PKD1: variants seen among roughly 807,000 people sequenced by gnomAD.
PKD1 encodes polycystin-1.
PKD1 carries 81 observed loss-of-function variants against 361.7 expected under a neutral mutation model. The observed-to-expected ratio is 0.22, with a 90% CI of 0.19 to 0.27. The LOEUF (loss-of-function observed/expected upper bound fraction) is 0.27. PKD1 is among the 10% of genes least tolerant of loss of function. The pLI is 1.00. For synonymous variants in PKD1, 3,615 were observed against 2,818.3 expected (o/e 1.28, Z -8.95); for missense variants, 6,399 against 6,118.3 (o/e 1.05, Z -1.53).
At chr16:2,092,413 T>G in intron 39 of PKD1, 67 bp downstream of exon 39, 1 of 1,167,566 alleles carries the variant, frequency 8.6e-7, no homozygotes. Context: ...ATGCCAGAGC[T>G]CCGCTAAAGG....
In PKD1 at chr16:2,110,589, C is replaced by G. The variant is rs746666587; in HGVS notation, c.4578G>C (p.Arg1526Ser). The G allele has an allele frequency of 1.5e-5, 24 of 1,610,870 alleles. No individual in the cohort carries two copies. The highest frequency in any genetic ancestry group is 6.8e-6 in the Non-Finnish European group (8 of 1,179,778). Residue 1526 changes from arginine (R) to serine (S), a missense_variant, in exon 15 of 46, where the codon AGG becomes AGC. Arg to Ser is a moderately radical substitution (Grantham distance 110). Coordinates refer to ENST00000262304, the MANE Select transcript of PKD1 (RefSeq NM_001009944.3). ...GGCTCACCTCATTCCAGCCGGCCAC[C>G]CTAACGGTGAAGTCACCTGTGCTGT... ...AYNSTGDFTVRVAGWNEVSRS... is the reference protein window; with the variant it reads ...AYNSTGDFTVSVAGWNEVSRS...
At position 2,107,804 on chromosome 16, in the gene PKD1, A is replaced by G. The variant is rs532318468; in HGVS notation, c.7065+79T>C. 6 of 1,382,322 alleles carry G rather than the reference A, an allele frequency of 4.3e-6. No individual in the cohort carries two copies. The Admixed American group carries it at 1.2e-4, about 27-fold the overall frequency. 85.6% of individuals were successfully genotyped at this position (1,382,322 alleles called of 1,614,324 possible). A position where few individuals can be genotyped will look rare whatever the true frequency, so the allele number is the denominator to read the frequency against. ...GGGAGAGCGTGCGGCCTCCACCAGC[A>G]CTAAAACACGGAAAACAGTAGATGA... On this transcript the variant is annotated intron_variant, in intron 16 of 45. Transcript: ENST00000262304.
At position 2,119,185 on chromosome 16, in the gene PKD1, C is replaced by T. The variant is rs774219994; in HGVS notation, c.288G>A (p.Leu96=). Residue 96 remains leucine, a splice_region_variant and synonymous_variant, in exon 3 of 46, where the codon CTG becomes CTA. Coordinates refer to ENST00000262304, the MANE Select transcript of PKD1 (RefSeq NM_001009944.3). ...TAGAAATCTTGTTGTTGCTTATATCCCTGGAAGAGACGGGGGATTCGGCAA... is the reference window on the plus strand; with the variant it reads ...TAGAAATCTTGTTGTTGCTTATATCTCTGGAAGAGACGGGGGATTCGGCAA... ...LLANLSALAE[L]DISNNKISTL... is the part of the protein sequence containing the mutation. The T allele has an allele frequency of 1.8e-4, 287 of 1,554,752 alleles. No individual in the cohort carries two copies. The highest frequency in any genetic ancestry group is 2.4e-4 in the Non-Finnish European group (276 of 1,143,030).
At chr16:2,123,356 TG>T (rs1264732529) in intron 1 of PKD1, 1 of 383,628 alleles carries the variant, frequency 2.6e-6, no homozygotes. Flanking sequence ...GCGTCTGCCC[TG>T]GGTAGGACTC....
chr16:2,101,874 G>C, intron 26 of PKD1, 187 bp downstream of exon 26: 1 of 626,342 alleles, frequency 1.6e-6, no homozygotes, highest in Non-Finnish European at 2.9e-6. Context: ...CCAGCTAGGA[G>C]CTGTCCTAGT....
intron 11 of PKD1, chr16:2,113,911 G>A (rs779925470): frequency 7.4e-5 from 42 of 565,488 alleles, no homozygotes; most frequent in Non-Finnish European, 1.1e-4. Context: ...TGTGAGGTCA[G>A]GGAGCAGAGT....
At position 2,100,547 on chromosome 16, in the gene PKD1, G is replaced by T. The variant is rs562509325; in HGVS notation, c.9417C>A (p.Gly3139=). ...GRGSGTTAHV[G]IMLYGVDSRS... ...GGCTGTCCACCCCATACAGCATGAT[G>T]CCCACGTGGGCCGTGGTACCTGGGA... The change falls in exon 27 of 46, where the codon GGC becomes GGA. Residue 3139 remains glycine (G), a synonymous_variant. Transcript: ENST00000262304. The surrounding 1 kb of genome is among the most constrained non-coding windows in gnomAD (Gnocchi z 4.4). 2.0e-5 allele frequency: 32 copies of T among 1,610,352 alleles called. 1 individual carries two copies. The highest frequency in any genetic ancestry group is 1.3e-4 in the African/African-American group (10 of 74,994).
chr16:2,090,368 C>A lies in PKD1; in HGVS notation c.12361G>T (p.Ala4121Ser). The change falls in exon 45 of 46, where the codon GCC becomes TCC. Residue 4121 changes from alanine (A) to serine (S), a missense_variant. Coordinates refer to ENST00000262304, the MANE Select transcript of PKD1 (RefSeq NM_001009944.3). ...HALRGELYRP[A>S]WEPQDYEMVE... ...ATCTCGTAGTCCTGGGGCTCCCAGG[C>A]CGGCCGGTACAGCTCTCCACGCAAG... 6.2e-7 allele frequency: 1 copy of A among 1,612,634 alleles called. No homozygotes were observed. The highest frequency in any genetic ancestry group is 1.1e-5 in the South Asian group (1 of 91,078).
rs541115394 is a variant in PKD1 at position 2,114,054 on chromosome 16, G to C, written c.2853+116C>G. The C allele has an allele frequency of 3.0e-5, 27 of 904,990 alleles. No individual in the cohort carries two copies. In the Middle Eastern group the frequency reaches 2.3e-3, roughly 78 times the overall value. 56.1% of individuals were successfully genotyped at this position (904,990 alleles called of 1,614,324 possible). ...CCAGCAGGACCTGCCCGGGGCCGAC[G>C]TCCCCAGTAACTGGGCTGCTGCCCT... On this transcript the variant is annotated intron_variant, in intron 11 of 45. Coordinates refer to ENST00000262304, the MANE Select transcript of PKD1 (RefSeq NM_001009944.3).
chr16:2,092,121 G>A lies in PKD1; in HGVS notation c.11337C>T (p.Ser3779=), dbSNP rs116835405. The A allele has an allele frequency of 6.2e-7, 1 of 1,612,838 alleles. No homozygotes were observed. Among genetic ancestry groups the A allele is most frequent in the Non-Finnish European group, 8.5e-7 (1 of 1,179,970 alleles). Residue 3779 remains serine (S), a synonymous_variant, in exon 40 of 46, where the codon AGC becomes AGT. Transcript: ENST00000262304. ...GACTCTCCCAGCCAACGTCGTAATCGCTGGTGCTGAAGCCTCCTGCGGCCG... is the reference window on the plus strand; with the variant it reads ...GACTCTCCCAGCCAACGTCGTAATCACTGGTGCTGAAGCCTCCTGCGGCCG... ...TCSAAGGFST[S]DYDVGWESPH...
Position 2,109,043 on chromosome 16 carries a change from C to T in PKD1, c.6124G>A (p.Ala2042Thr), listed in dbSNP as rs556681288. ...AAGLLEIQVRAFNALGSENRT... is the reference protein window; with the variant it reads ...AAGLLEIQVRTFNALGSENRT... ...TTCTCACTGCCCAGGGCGTTGAAGG[C>T]GCGCACCTGGATCTCCAACAGCCCC... Residue 2042 changes from alanine (A) to threonine (T), a missense_variant, in exon 15 of 46, where the codon GCC becomes ACC. By Grantham distance (58) the Ala-to-Thr change is moderately conservative. Transcript: ENST00000262304. 6 of 1,608,024 alleles carry T rather than the reference C, an allele frequency of 3.7e-6. No individual in the cohort carries two copies. Among genetic ancestry groups the T allele is most frequent in the East Asian group, 2.2e-5 (1 of 44,742 alleles).
rs550509675 is a variant in PKD1 at position 2,108,299 on chromosome 16, C to T, written c.6868G>A (p.Asp2290Asn). 21 of 1,601,400 alleles carry T rather than the reference C, an allele frequency of 1.3e-5. No homozygotes were observed. Among genetic ancestry groups the T allele is most frequent in the Non-Finnish European group, 1.6e-5 (19 of 1,172,988 alleles). Residue 2290 changes from aspartate to asparagine, a missense_variant, in exon 15 of 46, where the codon GAC (aspartate) becomes AAC (asparagine). Transcript: ENST00000262304. The stretch of plus-strand genomic sequence containing the variant: ...CAGTGGAAACTGAGCGGCGTCTGGT[C>T]GCCGTCCTCCAGGTTGGGGTCGTAG... ...ESYDPNLEDG[D>N]QTPLSFHWAC...
rs114656915 is a variant in PKD1, at chr16:2,092,125, G to T, written c.11333C>A (p.Thr3778Asn). The T allele has an allele frequency of 1.2e-4, 201 of 1,612,870 alleles. 2 individuals are homozygous for T. In the East Asian group the frequency reaches 4.2e-3, roughly 34 times the overall value. ...HTCSAAGGFS[T>N]SDYDVGWESP... The stretch of plus-strand genomic sequence containing the variant: ...CTCCCAGCCAACGTCGTAATCGCTG[G>T]TGCTGAAGCCTCCTGCGGCCGAGCA... Residue 3778 changes from threonine to asparagine, a missense_variant, in exon 40 of 46, where the codon ACC (threonine) becomes AAC (asparagine). Physicochemically the swap from Thr to Asn is moderately conservative, Grantham distance 65 (BLOSUM62 0). Transcript: ENST00000262304.
At chr16:2,125,016 T>TGGAGAGG (rs2092776417) in intron 1 of PKD1, among the ~76,000 whole-genome samples, 1 of 152,046 alleles carries the variant, frequency 6.6e-6, no homozygotes, top group African/African-American at 2.4e-5. Context: ...GTGTGGGCGC[T>TGGAGAGG]GGAGAGGACA....
In PKD1 at chr16:2,110,134, C is replaced by A. The variant is rs780369979; in HGVS notation, c.5033G>T (p.Gly1678Val). 1.2e-6 allele frequency: 2 copies of A among 1,609,236 alleles called. No homozygotes were observed. Among genetic ancestry groups the A allele is most frequent in the Admixed American group, 3.3e-5 (2 of 59,794 alleles). ...AWRDRGPALA[G>V]SGKGFSLTVL... Reference sequence around the variant, plus strand: ...GGTGAGCGAGAAGCCTTTGCCGCTGCCGGCCAGGGCCGGGCCCCTGTCCCT... The same window carrying A: ...GGTGAGCGAGAAGCCTTTGCCGCTGACGGCCAGGGCCGGGCCCCTGTCCCT... Residue 1678 changes from glycine (G) to valine (V), a missense_variant, in exon 15 of 46, where the codon GGC becomes GTC. Gly to Val is a moderately radical substitution (Grantham distance 109). Coordinates refer to ENST00000262304, the MANE Select transcript of PKD1 (RefSeq NM_001009944.3).
Position 2,105,496 on chromosome 16 carries a change from G to A in PKD1, c.7864-22C>T, listed in dbSNP as rs544170600. The stretch of plus-strand genomic sequence containing the variant: ...CGTACTGGGGCAGGCAGGGGGCACA[G>A]CAAGCTGTCAGCAGCGCAGGAGGCC... On this transcript the variant is annotated intron_variant, in intron 20 of 45. Coordinates refer to ENST00000262304, the MANE Select transcript of PKD1 (RefSeq NM_001009944.3). 54 of 1,595,218 alleles carry A rather than the reference G, an allele frequency of 3.4e-5. No individual in the cohort carries two copies. In the Admixed American group the frequency reaches 4.2e-4, roughly 12 times the overall value.
At chr16:2,094,546 T>C (rs1404951519) in intron 34 of PKD1, among the ~76,000 whole-genome samples, 1 of 152,206 alleles carries the variant, frequency 6.6e-6, no homozygotes. Context: ...CTGCAAACTA[T>C]GATTGGGTCT....
In PKD1 at chr16:2,103,912, G is replaced by C. The variant is rs779322843; in HGVS notation, c.8162-17C>G. ...TGAGGTCTCCTGCAGACATGCGTGAGGTCAGTGCAGAGACAGGGAGGTAGA... is the reference window on the plus strand; with the variant it reads ...TGAGGTCTCCTGCAGACATGCGTGACGTCAGTGCAGAGACAGGGAGGTAGA... On this transcript the variant is annotated splice_polypyrimidine_tract_variant and intron_variant, in intron 22 of 45. Coordinates refer to ENST00000262304, the MANE Select transcript of PKD1 (RefSeq NM_001009944.3). 6.5e-7 allele frequency: 1 copy of C among 1,549,514 alleles called. No individual in the cohort carries two copies. Among genetic ancestry groups the C allele is most frequent in the South Asian group, 1.2e-5 (1 of 86,616 alleles).
chr16:2,115,611 C>T lies in PKD1; in HGVS notation c.1864G>A (p.Gly622Ser), dbSNP rs755999554. The T allele has an allele frequency of 6.9e-6, 11 of 1,600,950 alleles. No homozygotes were observed. Among genetic ancestry groups the T allele is most frequent in the African/African-American group, 1.3e-5 (1 of 74,526 alleles). Residue 622 changes from glycine to serine, a missense_variant, in exon 10 of 46, where the codon GGC becomes AGC. Coordinates refer to ENST00000262304, the MANE Select transcript of PKD1 (RefSeq NM_001009944.3). The stretch of plus-strand genomic sequence containing the variant: ...GGGGACCTGCTCTCAGGCTCGCTGC[C>T]GTTCTCCGGGGTCCCTGTGAGGAGG... ...LLSTAGTPEN[G>S]SEPESRSPDN...
Sources: gnomAD v4.1 joint callset for allele counts (sites outside exome capture counted in the v4.1 genomes callset) on GRCh38, gnomAD v4.1.1 for gene constraint, Gnocchi (gnomAD v3.1) non-coding constraint, MANE v1.5 for transcripts, NCBI Gene and HGNC (gene_info 2026-07-23, HGNC 2026-07-21) for gene names.